Variants in VSNL1 observed in about 807,000 individuals in gnomAD.
VSNL1 encodes visinin like 1, also known as visinin-like protein 1.
A neutral mutation model predicts 20.4 loss-of-function variants in VSNL1; 6 were observed. The ratio of observed to expected loss-of-function variants is 0.29; its 90% confidence interval spans 0.16 to 0.58. The LOEUF is 0.58. Ranked by LOEUF, VSNL1 falls within the 20% of genes least tolerant of loss-of-function variation. The pLI, the probability that VSNL1 is intolerant of heterozygous loss-of-function variation, is 0.90. For synonymous variants in VSNL1, 93 were observed against 86.4 expected (o/e 1.08, Z -0.42); for missense variants, 100 against 234.5 (o/e 0.43, Z 3.75).
rs570229091 is a variant in VSNL1, at chr2:17,586,592, T to G, written c.-5-5478T>G. Among the ~76,000 whole-genome samples, 15 of 152,322 alleles carry G rather than the reference T, an allele frequency of 9.8e-5. No homozygotes were observed. In the East Asian group the frequency reaches 2.9e-3, roughly 29 times the overall value. On this transcript the variant is annotated intron_variant, in intron 1 of 3. Coordinates refer to ENST00000295156, the MANE Select transcript of VSNL1 (RefSeq NM_003385.5). Reference sequence around the variant, plus strand: ...GTCTCCTGCATCCAGGTCTGAGCCCTTTAAGATTGGTACCATGCTTTCTGT... The same window carrying G: ...GTCTCCTGCATCCAGGTCTGAGCCCGTTAAGATTGGTACCATGCTTTCTGT...
chr2:17,619,500 C>T (rs999440307), intron 2 of VSNL1, among the ~76,000 whole-genome samples: 2 of 152,232 alleles, frequency 1.3e-5, no homozygotes, highest in Non-Finnish European at 2.9e-5. Flanking sequence ...ACTTCAGACT[C>T]AGCAGCCCCC....
rs190203202 is a variant in VSNL1, at chr2:17,612,579, A to G, written c.162+20343A>G. The stretch of plus-strand genomic sequence containing the variant: ...CAGAAGAGGCCAGGGAAGGAGGAAG[A>G]CTGTGACAGAATGGTCCCCAACCAC... On this transcript the variant is annotated intron_variant, in intron 2 of 3. Coordinates refer to ENST00000295156, the MANE Select transcript of VSNL1 (RefSeq NM_003385.5). Among the ~76,000 whole-genome samples, 146 of 152,304 alleles carry G rather than the reference A, an allele frequency of 9.6e-4. 2 individuals carry two copies. The highest frequency in any genetic ancestry group is 2.1e-3 in the East Asian group (11 of 5,186).
chr2:17,549,113 C>A (rs540536639), intron 1 of VSNL1, among the ~76,000 whole-genome samples: 2 of 152,338 alleles, frequency 1.3e-5, no homozygotes, highest in East Asian at 3.9e-4. Flanking sequence ...CAGGAGACGC[C>A]TATGCCTCAA....
In VSNL1 at chr2:17,634,394, T is replaced by C. The variant is rs548388403; in HGVS notation, c.163-15016T>C. ...TGGCAAGACTTGAGGCAAAGTTTGT[T>C]ATGCAGTTGACCAGGAGAGAAGGCA... On this transcript the variant is annotated intron_variant, in intron 2 of 3. Transcript: ENST00000295156. This position sits in a 1 kb window ranked among gnomAD's most constrained non-coding sequence, Gnocchi z 4.3. 6.6e-6 allele frequency among the ~76,000 whole-genome samples: 1 copy of C among 152,356 alleles called. No homozygotes were observed. The highest frequency in any genetic ancestry group is 2.1e-4 in the South Asian group (1 of 4,830).
chr2:17,557,040 C>T (rs1663699948), intron 1 of VSNL1, among the ~76,000 whole-genome samples: 1 of 152,026 alleles, frequency 6.6e-6, no homozygotes, highest in South Asian at 2.1e-4. Flanking sequence ...TTAAGGATGC[C>T]ATGTTTGTAA....
intron 1 of VSNL1, among the ~76,000 whole-genome samples, chr2:17,564,037 G>T (rs553891498): frequency 6.6e-5 from 10 of 152,036 alleles, no homozygotes; most frequent in Non-Finnish European, 1.3e-4. Context: ...TTTCAGAAAG[G>T]ATTTCAGTTA....
rs1332866186 is a variant in VSNL1, at chr2:17,649,015, A to C, written c.163-395A>C. Among the ~76,000 whole-genome samples the C allele has an allele frequency of 6.6e-6, 1 of 152,174 alleles. No homozygotes were observed. Among genetic ancestry groups the C allele is most frequent in the African/African-American group, 2.4e-5 (1 of 41,448 alleles). ...TGGGCAGCGATGAAGCCAGATTCTC[A>C]TATCTAGAGGAACATTGAAGTTCGT... On this transcript the variant is annotated intron_variant, in intron 2 of 3. Coordinates refer to ENST00000295156, the MANE Select transcript of VSNL1 (RefSeq NM_003385.5). This position sits in a 1 kb window ranked among gnomAD's most constrained non-coding sequence, Gnocchi z 6.4.
At chr2:17,606,533 T>G (rs756284377) in intron 2 of VSNL1, among the ~76,000 whole-genome samples, 13 of 152,192 alleles carry the variant, frequency 8.5e-5, no homozygotes, top group African/African-American at 2.7e-4. Flanking sequence ...GCACTGGAGT[T>G]GAGTCAGAAG....
At chr2:17,565,015 T>A (rs1212338594) in intron 1 of VSNL1, among the ~76,000 whole-genome samples, 1 of 152,228 alleles carries the variant, frequency 6.6e-6, no homozygotes, top group African/African-American at 2.4e-5. Flanking sequence ...ATGGACATGC[T>A]TTAAATTAGC....
intron 2 of VSNL1, among the ~76,000 whole-genome samples, chr2:17,601,206 A>G (rs1664812260): frequency 6.6e-6 from 1 of 151,682 alleles, no homozygotes; most frequent in Non-Finnish European, 1.5e-5. Flanking sequence ...CTCTCAGTCC[A>G]CTCCCTCCCC....
At chr2:17,646,244 T>A (rs764870238) in intron 2 of VSNL1, among the ~76,000 whole-genome samples, 1 of 152,228 alleles carries the variant, frequency 6.6e-6, no homozygotes, top group East Asian at 1.9e-4. Context: ...GCAGTACATA[T>A]GTGCTGCCAG....
Position 17,560,790 on chromosome 2 carries a change from G to T in VSNL1, c.-6+19872G>T, listed in dbSNP as rs189488457. On this transcript the variant is annotated intron_variant, in intron 1 of 3. Transcript: ENST00000295156. ...TATGTCAAAAGATGTCATTAACATA[G>T]AAATTTGCCATATATTTTAGTATGC... Among the ~76,000 whole-genome samples the T allele has an allele frequency of 4.2e-4, 64 of 152,264 alleles. 1 individual carries two copies. Among genetic ancestry groups the T allele is most frequent in the African/African-American group, 1.4e-3 (60 of 41,562 alleles).
chr2:17,558,393 T>A (rs1181146470), intron 1 of VSNL1, among the ~76,000 whole-genome samples: 3 of 152,246 alleles, frequency 2.0e-5, no homozygotes, highest in Admixed American at 2.0e-4. Context: ...CACATAGGTG[T>A]CATTTGATGC....
intron 2 of VSNL1, among the ~76,000 whole-genome samples, chr2:17,648,648 C>T (rs1666052913): frequency 6.6e-6 from 1 of 152,198 alleles, no homozygotes; most frequent in Admixed American, 6.5e-5. Flanking sequence ...TTGTGACTGG[C>T]CTAGGCTTAT....
Position 17,652,844 on chromosome 2 carries a change from T to G in VSNL1, c.379-2353T>G, listed in dbSNP as rs190508861. Among the ~76,000 whole-genome samples, 384 of 152,306 alleles carry G rather than the reference T, an allele frequency of 2.5e-3. 7 individuals carry two copies. The highest frequency in any genetic ancestry group is 0.022 in the Admixed American group (340 of 15,290). ...CTCTGGTCCTCTGCCCCGAAATTTC[T>G]GGCTATCTTCACCTTCCTCCTCCAA... On this transcript the variant is annotated intron_variant, in intron 3 of 3. Coordinates refer to ENST00000295156, the MANE Select transcript of VSNL1 (RefSeq NM_003385.5).
At chr2:17,625,561 T>C (rs1262341616) in intron 2 of VSNL1, among the ~76,000 whole-genome samples, 1 of 152,224 alleles carries the variant, frequency 6.6e-6, no homozygotes, top group Non-Finnish European at 1.5e-5. Flanking sequence ...TTCAGGTATT[T>C]AAGACAGTCT....
Position 17,655,677 on chromosome 2 carries a change from G to T in VSNL1, c.*283G>T. 1 of 320,708 alleles carries T rather than the reference G, an allele frequency of 3.1e-6. No individual in the cohort carries two copies. The highest frequency in any genetic ancestry group is 5.9e-6 in the Non-Finnish European group (1 of 169,926). The allele number at this position is 320,708 out of a possible 1,614,324, so 19.9% of individuals were successfully genotyped here. On this transcript the variant is annotated 3_prime_UTR_variant, in exon 4 of 4. Transcript: ENST00000295156. The surrounding 1 kb of genome is among the most constrained non-coding windows in gnomAD (Gnocchi z 5.2). ...AAAAATCCCTCTTCCTCCAAAGCCT[G>T]GGCAGAAATGTGCTGCAAAGAGTTA...
intron 1 of VSNL1, among the ~76,000 whole-genome samples, chr2:17,556,898 A>T (rs951673618): frequency 2.0e-5 from 3 of 152,234 alleles, no homozygotes; most frequent in Admixed American, 6.5e-5. Context: ...AAAGGAGCTT[A>T]CATCTGCCTG....
intron 2 of VSNL1, among the ~76,000 whole-genome samples, chr2:17,592,614 C>T (rs1664615233): frequency 8.5e-6 from 1 of 117,176 alleles, no homozygotes; most frequent in South Asian, 2.9e-4. Flanking sequence ...AAAAAGTACA[C>T]AAGAGGGCTT....
Sources: gnomAD v4.1 joint callset for allele counts (sites outside exome capture counted in the v4.1 genomes callset) on GRCh38, gnomAD v4.1.1 for gene constraint, Gnocchi (gnomAD v3.1) non-coding constraint, MANE v1.5 for transcripts, NCBI Gene and HGNC (gene_info 2026-07-23, HGNC 2026-07-21) for gene names.